NUP43: variants seen among roughly 807,000 people sequenced by gnomAD.
NUP43 encodes the protein nucleoporin Nup43.
Under a neutral mutation model 47.3 loss-of-function variants are expected in NUP43, and 32 were observed. That is an observed-to-expected ratio of 0.68 (90% confidence interval 0.51 to 0.91). NUP43 has a LOEUF of 0.91. NUP43 is among the 40% of genes least tolerant of loss of function. NUP43 has a pLI of 0.00. For synonymous variants in NUP43, 147 were observed against 158.4 expected, an observed-to-expected ratio of 0.93 and a Z score of 0.54; for missense variants, 444 against 453.9, an observed-to-expected ratio of 0.98 and a Z score of 0.20.
At chr6:149,736,880 G>A (rs1785391810) in intron 5 of NUP43, among the ~76,000 whole-genome samples, 1 of 151,896 alleles carries the variant, frequency 6.6e-6, no homozygotes, top group African/African-American at 2.4e-5. Context: ...GTAGAGATGG[G>A]GTTTCTCCAT....
At chr6:149,738,851 C>G in intron 4 of NUP43, 73 bp from the exon 5 acceptor site, 3 of 848,116 alleles carry the variant, frequency 3.5e-6, no homozygotes, top group Non-Finnish European at 5.1e-6. Context: ...AAATCACACT[C>G]CTTTCATGGA....
rs186262867 is a variant in NUP43, at chr6:149,745,414, A to G, written c.243+526T>C. ...GACTCCATCTTGGAAAAAAAAAAAA[A>G]AAAGAAAACTCAATTTCATCCCCAC... On this transcript the variant is annotated intron_variant, in intron 2 of 7. Coordinates refer to ENST00000340413, the MANE Select transcript of NUP43 (RefSeq NM_198887.3). Among the ~76,000 whole-genome samples, 237 of 152,018 alleles carry G rather than the reference A, an allele frequency of 1.6e-3. 1 individual carries two copies. Among genetic ancestry groups the G allele is most frequent in the African/African-American group, 5.4e-3 (223 of 41,476 alleles).
intron 4 of NUP43, among the ~76,000 whole-genome samples, chr6:149,740,746 G>C (rs1230175175): frequency 6.6e-6 from 1 of 152,146 alleles, no homozygotes; most frequent in South Asian, 2.1e-4. Flanking sequence ...AGAGAAGTCT[G>C]GCTGAAGCAT....
At chr6:149,738,567 T>G (rs1785483570) in intron 5 of NUP43, 76 bp downstream of exon 5, 1 of 1,145,988 alleles carries the variant, frequency 8.7e-7, no homozygotes, top group Non-Finnish European at 1.2e-6. Flanking sequence ...TCAATATGGC[T>G]TAAAGCCAGT....
At position 149,733,844 on chromosome 6, in the gene NUP43, G is replaced by C. The variant is rs1785183402; in HGVS notation, c.791-2109C>G. Among the ~76,000 whole-genome samples, 3 of 149,888 alleles carry C rather than the reference G, an allele frequency of 2.0e-5. No individual in the cohort carries two copies. In the South Asian group the frequency reaches 6.3e-4, roughly 32 times the overall value. On this transcript the variant is annotated intron_variant, in intron 6 of 7. Coordinates refer to ENST00000340413, the MANE Select transcript of NUP43 (RefSeq NM_198887.3). ...CTGTTTTGTTTTGTTTTTTTTTTGA[G>C]ACGGAGTTTCACTCTTGTTGCCCAG... is the stretch of plus-strand genomic sequence containing the variant.
At chr6:149,742,112 C>T (rs186389650) in intron 4 of NUP43, among the ~76,000 whole-genome samples, 18 of 151,856 alleles carry the variant, frequency 1.2e-4, no homozygotes, top group East Asian at 7.8e-4. Flanking sequence ...CTGCAACCTC[C>T]GCCTCCCAGG....
At chr6:149,740,008 A>G (rs1171523334) in intron 4 of NUP43, among the ~76,000 whole-genome samples, 2 of 152,172 alleles carry the variant, frequency 1.3e-5, no homozygotes, top group African/African-American at 2.4e-5. Context: ...AATGTCGCCC[A>G]GTGCAGTGGG....
chr6:149,744,459 G>C (rs888838092), intron 2 of NUP43, among the ~76,000 whole-genome samples: 3 of 151,218 alleles, frequency 2.0e-5, no homozygotes, highest in African/African-American at 7.3e-5. Context: ...ACGAGGTGGG[G>C]TTGCAGTGAG....
intron 6 of NUP43, among the ~76,000 whole-genome samples, chr6:149,734,909 A>G (rs1299643645): frequency 6.6e-6 from 1 of 152,062 alleles, no homozygotes; most frequent in African/African-American, 2.4e-5. Context: ...AAAAGAAAAA[A>G]AAAAGCTTAT....
At chr6:149,745,670 CAAT>C (rs967700381) in intron 2 of NUP43, among the ~76,000 whole-genome samples, 4 of 152,116 alleles carry the variant, frequency 2.6e-5, no homozygotes, top group African/African-American at 9.7e-5. Context: ...TGGCATGCAA[CAAT>C]AATTAATTTT....
At chr6:149,748,388 A>G (rs961127290), upstream of NUP43, among the ~76,000 whole-genome samples, 1 of 152,226 alleles carries the variant, frequency 6.6e-6, no homozygotes, top group African/African-American at 2.4e-5. Context: ...ATAATCCCAG[A>G]AAATAGGTAA....
chr6:149,745,264 G>C (rs1386732994), intron 2 of NUP43, among the ~76,000 whole-genome samples: 1 of 151,788 alleles, frequency 6.6e-6, no homozygotes, highest in East Asian at 2.0e-4. Flanking sequence ...GCCGGGTATG[G>C]TGGCCTGCGC....
At chr6:149,745,332 G>C (rs60424881) in intron 2 of NUP43, among the ~76,000 whole-genome samples, 51,656 of 150,778 alleles carry the variant, frequency 0.34, 10,538 homozygotes, top group East Asian at 0.81. Context: ...CCCGGGAAGC[G>C]GAGGTTGTAG....
chr6:149,742,603 A>T, intron 3 of NUP43, 33 bp from the exon 4 acceptor site: 2 of 1,561,446 alleles, frequency 1.3e-6, no homozygotes, highest in Non-Finnish European at 1.8e-6. Context: ...CTATTAAAGC[A>T]AAGTACTAAG....
chr6:149,742,540 C>A lies in NUP43; in HGVS notation c.352G>T (p.Ala118Ser). 6.2e-7 allele frequency: 1 copy of A among 1,614,120 alleles called. No individual in the cohort carries two copies. The highest frequency in any genetic ancestry group is 8.5e-7 in the Non-Finnish European group (1 of 1,179,984). ...TLSVNQQWTT[A>S]HYHTGPGSPS... ...CTGCCAGGGCCTGTGTGGTAGTGAG[C>A]TGTAGTCCACTGCTGGTTGACTGAC... Residue 118 changes from alanine (A) to serine (S), a missense_variant, in exon 4 of 8, where the codon GCT (alanine) becomes TCT (serine). Coordinates refer to ENST00000340413, the MANE Select transcript of NUP43 (RefSeq NM_198887.3).
upstream of NUP43, chr6:149,746,585 G>A: frequency 1.2e-6 from 2 of 1,611,134 alleles, no homozygotes; most frequent in Non-Finnish European, 1.7e-6. Flanking sequence ...TGATTGGATG[G>A]GACTTTAGGA....
chr6:149,737,254 A>G (rs1419740520), intron 5 of NUP43, among the ~76,000 whole-genome samples: 1 of 151,656 alleles, frequency 6.6e-6, no homozygotes, highest in Non-Finnish European at 1.5e-5. Flanking sequence ...ACTGCACTCC[A>G]GCCTGGGTGA....
At chr6:149,748,808 C>CAAA (rs1161065299), upstream of NUP43, among the ~76,000 whole-genome samples, 58 of 87,332 alleles carry the variant, frequency 6.6e-4, 1 homozygote, top group African/African-American at 1.9e-3. Context: ...GACTCCGTCT[C>CAAA]AAAAAAAAAA....
rs763866272 is a variant in NUP43 at position 149,742,441 on chromosome 6, C to A, written c.451G>T (p.Gly151Cys). The A allele has an allele frequency of 1.9e-6, 3 of 1,614,164 alleles. No homozygotes were observed. The highest frequency in any genetic ancestry group is 3.3e-5 in the Admixed American group (2 of 60,014). Residue 151 changes from glycine (G) to cysteine (C), a missense_variant, in exon 4 of 8, where the codon GGT becomes TGT. Gly to Cys is a radical substitution (Grantham distance 159). Transcript: ENST00000340413. ...NPEIVTVGED[G>C]RINLFRADHK... ...TCAGCTCTGAAGAGATTTATTCGAC[C>A]ATCCTCTCCAACTGTAACGATTTCT...
Sources: gnomAD v4.1 joint callset for allele counts (sites outside exome capture counted in the v4.1 genomes callset) on GRCh38, gnomAD v4.1.1 for gene constraint, MANE v1.5 for transcripts, NCBI Gene and HGNC (gene_info 2026-07-23, HGNC 2026-07-21) for gene names.